The following PRMT3 variants were observed in gnomAD, a reference collection of about 807,000 sequenced individuals.
The protein encoded by PRMT3 is protein arginine methyltransferase 3, also known as protein arginine N-methyltransferase 3.
Under a neutral mutation model 71.9 loss-of-function variants are expected in PRMT3, and 62 were observed. The ratio of observed to expected loss-of-function variants is 0.86; its 90% confidence interval spans 0.70 to 1.07. PRMT3 has a LOEUF of 1.07. Among genes scored for constraint, PRMT3 ranks in the 50% least tolerant of loss-of-function variants. PRMT3 has a pLI of 0.00. For synonymous variants in PRMT3, 213 were observed against 220.4 expected, an observed-to-expected ratio of 0.97 and a Z score of 0.30; for missense variants, 663 against 643.0, an observed-to-expected ratio of 1.03 and a Z score of -0.34.
intron 10 of PRMT3, among the ~76,000 whole-genome samples, chr11:20,437,724 G>A (rs1011889361): frequency 1.3e-5 from 2 of 152,054 alleles, no homozygotes; most frequent in Non-Finnish European, 2.9e-5. Context: ...CGAGTAGCTG[G>A]GACTACAAGC....
chr11:20,407,778 C>G (rs538770551), intron 8 of PRMT3, 133 bp from the exon 9 acceptor site: 1 of 887,572 alleles, frequency 1.1e-6, no homozygotes, highest in African/African-American at 1.7e-5. Flanking sequence ...CGTGAGCCAC[C>G]GCGCCTGGCC....
chr11:20,481,540 G>GGGTT (rs1565232167), intron 13 of PRMT3, among the ~76,000 whole-genome samples: 1 of 152,030 alleles, frequency 6.6e-6, no homozygotes, highest in African/African-American at 2.4e-5. Context: ...CTTAAAGAAC[G>GGGTT]GGTTGTATTG....
chr11:20,453,262 C>T (rs569078243), intron 11 of PRMT3, among the ~76,000 whole-genome samples: 2 of 149,912 alleles, frequency 1.3e-5, no homozygotes, highest in South Asian at 2.1e-4. Flanking sequence ...AGGCAGATCA[C>T]CTGAGGTCAG....
intron 8 of PRMT3, chr11:20,406,444 A>T (rs962304695): frequency 1.6e-4 from 24 of 152,224 alleles, no homozygotes; most frequent in African/African-American, 5.8e-4. Flanking sequence ...AATGTCCTCA[A>T]GATTTGACCT....
chr11:20,453,405 G>A (rs1181792623), intron 11 of PRMT3, among the ~76,000 whole-genome samples: 1 of 150,884 alleles, frequency 6.6e-6, no homozygotes, highest in Non-Finnish European at 1.5e-5. Context: ...GCTTGAACCC[G>A]GGAGGCAGAG....
Position 20,392,971 on chromosome 11 carries a change from A to G in PRMT3, c.372A>G (p.Val124=), listed in dbSNP as rs1239595815. Residue 124 remains valine, a synonymous_variant, in exon 5 of 16, where the codon GTA becomes GTG. Coordinates refer to ENST00000331079, the MANE Select transcript of PRMT3 (RefSeq NM_005788.4). ...PWEKEEYLKP[V]LEDDLLLQFD... Reference sequence around the variant, plus strand: ...AGAAAGAAGAGTATTTGAAGCCAGTATTAGAAGATGACCTTTTACTTCAAT... The same window carrying G: ...AGAAAGAAGAGTATTTGAAGCCAGTGTTAGAAGATGACCTTTTACTTCAAT... 5.4e-5 allele frequency: 86 copies of G among 1,603,204 alleles called. No individual in the cohort carries two copies. The highest frequency in any genetic ancestry group is 7.3e-5 in the Non-Finnish European group (86 of 1,170,292).
intron 7 of PRMT3, among the ~76,000 whole-genome samples, chr11:20,401,998 G>A (rs796690695): frequency 1.1e-4 from 17 of 152,212 alleles, no homozygotes; most frequent in African/African-American, 3.4e-4. Flanking sequence ...TTAGAAAAAC[G>A]TATCCAGTTT....
intron 15 of PRMT3, among the ~76,000 whole-genome samples, chr11:20,505,405 AAATT>A (rs1851566890): frequency 6.6e-6 from 1 of 152,224 alleles, no homozygotes; most frequent in South Asian, 2.1e-4. Flanking sequence ...ACCAGCAACT[AAATT>A]AAGTAATTTG....
intron 10 of PRMT3, among the ~76,000 whole-genome samples, chr11:20,448,645 G>T (rs999006543): frequency 2.0e-5 from 3 of 151,712 alleles, no homozygotes; most frequent in Non-Finnish European, 4.4e-5. Context: ...AGTTAGAAAG[G>T]CACCTTATAC....
chr11:20,408,342 C>T (rs546363888), intron 9 of PRMT3, among the ~76,000 whole-genome samples: 20 of 151,930 alleles, frequency 1.3e-4, no homozygotes, highest in South Asian at 4.1e-4. Flanking sequence ...TAGAGTAATA[C>T]TGACAGAGGA....
chr11:20,464,864 C>T (rs543602553), intron 13 of PRMT3, among the ~76,000 whole-genome samples: 1 of 152,244 alleles, frequency 6.6e-6, no homozygotes, highest in South Asian at 2.1e-4. Flanking sequence ...TACCCTATTC[C>T]TCCCTTTAAC....
At chr11:20,404,284 A>AGTGCACTG (rs1296327458) in intron 8 of PRMT3, among the ~76,000 whole-genome samples, 1 of 113,248 alleles carries the variant, frequency 8.8e-6, no homozygotes, top group Admixed American at 1.3e-4. Flanking sequence ...GCCATGCTGG[A>AGTGCACTG]GTGCACTGGC....
chr11:20,396,076 T>A, intron 6 of PRMT3, 114 bp downstream of exon 6: 2 of 917,900 alleles, frequency 2.2e-6, no homozygotes, highest in Non-Finnish European at 3.2e-6. Context: ...AATGTAGATA[T>A]TTTATCTTCA....
At chr11:20,412,592 G>A (rs1432532171) in intron 9 of PRMT3, among the ~76,000 whole-genome samples, 3 of 151,650 alleles carry the variant, frequency 2.0e-5, no homozygotes, top group African/African-American at 7.3e-5. Context: ...TGTTTTTGTT[G>A]GAGTATTTTA....
At chr11:20,494,936 G>A (rs1851298577) in intron 15 of PRMT3, among the ~76,000 whole-genome samples, 2 of 152,152 alleles carry the variant, frequency 1.3e-5, no homozygotes, top group South Asian at 4.1e-4. Flanking sequence ...ATTTCATTCA[G>A]TAGTTATTGT....
At chr11:20,456,875 T>G (rs1184140020) in intron 11 of PRMT3, among the ~76,000 whole-genome samples, 1 of 152,122 alleles carries the variant, frequency 6.6e-6, no homozygotes, top group Non-Finnish European at 1.5e-5. Context: ...TTAAGTTGTC[T>G]TTTTTATTTT....
chr11:20,413,093 G>A (rs1849230463), intron 9 of PRMT3, among the ~76,000 whole-genome samples: 1 of 152,084 alleles, frequency 6.6e-6, no homozygotes. Flanking sequence ...TGTTTGAAAA[G>A]CAGGCCTTTT....
At chr11:20,418,051 A>G (rs966536513) in intron 9 of PRMT3, among the ~76,000 whole-genome samples, 2 of 152,306 alleles carry the variant, frequency 1.3e-5, no homozygotes, top group Admixed American at 6.5e-5. Context: ...TGTATCATGA[A>G]GTGAAAGTTA....
chr11:20,474,633 T>C (rs959317209), intron 13 of PRMT3, among the ~76,000 whole-genome samples: 7 of 152,222 alleles, frequency 4.6e-5, no homozygotes, highest in Non-Finnish European at 1.0e-4. Flanking sequence ...AGGTGTGGTT[T>C]CCTGGGCAGG....
Sources: gnomAD v4.1 joint callset for allele counts (sites outside exome capture counted in the v4.1 genomes callset) on GRCh38, gnomAD v4.1.1 for gene constraint, MANE v1.5 for transcripts, NCBI Gene and HGNC (gene_info 2026-07-23, HGNC 2026-07-21) for gene names.